Variants in MACROH2A2 observed in about 807,000 individuals in gnomAD.
MACROH2A2 encodes core histone macro-H2A.2.
In MACROH2A2, 6 loss-of-function variants were observed where a neutral mutation model predicts 37.6. The observed-to-expected ratio is 0.16, with a 90% confidence interval of 0.09 to 0.32. The LOEUF is 0.32. Ranked by LOEUF, MACROH2A2 falls within the 10% of genes least tolerant of loss-of-function variation. The probability of loss-of-function intolerance (pLI) is 1.00; values close to 1 mark genes in which losing one functional copy is unlikely to be tolerated. For missense variants in MACROH2A2, 290 were observed against 485.9 expected (o/e 0.60, Z 3.79); for synonymous variants, 192 against 202.7 (o/e 0.95, Z 0.45).
intron 2 of MACROH2A2, among the ~76,000 whole-genome samples, chr10:70,079,087 A>G (rs2072157534): frequency 6.6e-6 from 1 of 152,196 alleles, no homozygotes; most frequent in Non-Finnish European, 1.5e-5. Context: ...AACGCCTCAC[A>G]ATAAGATCAG....
chr10:70,055,491 A>G (rs1477098508), intron 1 of MACROH2A2, among the ~76,000 whole-genome samples: 1 of 152,182 alleles, frequency 6.6e-6, no homozygotes, highest in East Asian at 1.9e-4. Flanking sequence ...GGGTCCTCCC[A>G]TCTCAGCCTC....
chr10:70,078,023 CA>C (rs1457693258), intron 2 of MACROH2A2, among the ~76,000 whole-genome samples: 1 of 152,208 alleles, frequency 6.6e-6, no homozygotes, highest in African/African-American at 2.4e-5. Context: ...TACACTACCC[CA>C]ATATTTGTGT....
chr10:70,054,462 A>G lies in MACROH2A2; in HGVS notation c.-60+1462A>G, dbSNP rs908189760. On this transcript the variant is annotated intron_variant, in intron 1 of 8. Coordinates refer to ENST00000373255, the MANE Select transcript of MACROH2A2 (RefSeq NM_018649.3). ...CAGACCCCAGGATCCCCTAGGGGCC[A>G]TTAGTCCACCGCGGCAAATGGTTTC... 9.9e-5 allele frequency among the ~76,000 whole-genome samples: 15 copies of G among 152,204 alleles called. 1 individual carries two copies. Among genetic ancestry groups the G allele is most frequent in the Admixed American group, 2.0e-4 (3 of 15,284 alleles).
At chr10:70,103,928 A>G (rs1208403217) in intron 7 of MACROH2A2, among the ~76,000 whole-genome samples, 2 of 152,254 alleles carry the variant, frequency 1.3e-5, no homozygotes, top group Non-Finnish European at 2.9e-5. Context: ...GACGTGCAGA[A>G]GTTGAGAGGC....
chr10:70,073,217 G>A (rs1047839568), intron 1 of MACROH2A2, among the ~76,000 whole-genome samples: 1 of 152,198 alleles, frequency 6.6e-6, no homozygotes, highest in Admixed American at 6.5e-5. Flanking sequence ...TAGCAATGCT[G>A]TCTGTTTCCC....
At position 70,053,121 on chromosome 10, in the gene MACROH2A2, G is replaced by A. The variant is rs2071985686; in HGVS notation, c.-60+121G>A. 1 of 152,268 alleles carries A rather than the reference G, an allele frequency of 6.6e-6. No individual in the cohort carries two copies. The highest frequency in any genetic ancestry group is 6.5e-5 in the Admixed American group (1 of 15,282). The allele number at this position is 152,268 out of a possible 1,614,324, so 9.4% of individuals were successfully genotyped here. A position where few individuals can be genotyped will look rare whatever the true frequency, so the allele number is the denominator to read the frequency against. ...ACCTCTGCCTCTCCCCCGAGCCCCTGCGGGCGCACCCTCGATAGCCGACCC... is the reference window on the plus strand; with the variant it reads ...ACCTCTGCCTCTCCCCCGAGCCCCTACGGGCGCACCCTCGATAGCCGACCC... On this transcript the variant is annotated intron_variant, in intron 1 of 8. Transcript: ENST00000373255. The surrounding 1 kb of genome is among the most constrained non-coding windows in gnomAD (Gnocchi z 4.8).
chr10:70,106,007 G>A (rs2072335547), intron 7 of MACROH2A2, among the ~76,000 whole-genome samples: 1 of 152,134 alleles, frequency 6.6e-6, no homozygotes, highest in South Asian at 2.1e-4. Flanking sequence ...GCCCAGACAC[G>A]CAGGAAGAAG....
Position 70,091,942 on chromosome 10 carries a change from G to T in MACROH2A2, c.465G>T (p.Arg155=), listed in dbSNP as rs1392334973. The change falls in exon 4 of 9, where the codon CGG becomes CGT. Residue 155 remains arginine, a synonymous_variant. Coordinates refer to ENST00000373255, the MANE Select transcript of MACROH2A2 (RefSeq NM_018649.3). ...GGKKSKAAKP[R]TSKKSKPKDS... Reference sequence around the variant, plus strand: ...AGAAATCCAAGGCTGCCAAACCACGGACGTCCAAAAAGGTAGGCCGAGGCT... The same window carrying T: ...AGAAATCCAAGGCTGCCAAACCACGTACGTCCAAAAAGGTAGGCCGAGGCT... 4 of 1,613,330 alleles carry T rather than the reference G, an allele frequency of 2.5e-6. No individual in the cohort carries two copies. In the African/African-American group the frequency reaches 5.3e-5, roughly 22 times the overall value.
At position 70,070,640 on chromosome 10, in the gene MACROH2A2, C is replaced by G. The variant is rs912206520; in HGVS notation, c.-59-4960C>G. Among the ~76,000 whole-genome samples the G allele has an allele frequency of 4.6e-5, 7 of 152,048 alleles. 1 individual carries two copies. The highest frequency in any genetic ancestry group is 1.7e-4 in the African/African-American group (7 of 41,366). ...CAGAGTAGCTGGAATTACAGGCACC[C>G]GCCACCACGCCCGGCTAATATTCTG... On this transcript the variant is annotated intron_variant, in intron 1 of 8. Coordinates refer to ENST00000373255, the MANE Select transcript of MACROH2A2 (RefSeq NM_018649.3).
intron 1 of MACROH2A2, among the ~76,000 whole-genome samples, chr10:70,065,762 G>T (rs868452779): frequency 1.3e-5 from 2 of 152,026 alleles, no homozygotes; most frequent in Non-Finnish European, 2.9e-5. Context: ...ACAAAGAAAG[G>T]GGGTATTGGG....
At chr10:70,101,057 T>G (rs1284710265) in intron 7 of MACROH2A2, among the ~76,000 whole-genome samples, 1 of 152,024 alleles carries the variant, frequency 6.6e-6, no homozygotes, top group Non-Finnish European at 1.5e-5. Context: ...CAACACCAGG[T>G]CATGGGGGTG....
chr10:70,102,743 A>G (rs2072313998), intron 7 of MACROH2A2, among the ~76,000 whole-genome samples: 1 of 152,092 alleles, frequency 6.6e-6, no homozygotes, highest in Non-Finnish European at 1.5e-5. Flanking sequence ...AGAAGAAAAG[A>G]AAAAAGTAAT....
intron 2 of MACROH2A2, among the ~76,000 whole-genome samples, chr10:70,087,169 G>T (rs2136632668): frequency 6.6e-6 from 1 of 152,036 alleles, no homozygotes; most frequent in Admixed American, 6.5e-5. Flanking sequence ...GGTGACAGAG[G>T]TGAGATCCTG....
intron 6 of MACROH2A2, among the ~76,000 whole-genome samples, chr10:70,097,331 C>T (rs1049712863): frequency 6.6e-5 from 10 of 152,182 alleles, no homozygotes; most frequent in Admixed American, 3.3e-4. Flanking sequence ...GCAATAGTAC[C>T]TGTCCCATAG....
At chr10:70,072,483 A>T (rs949136117) in intron 1 of MACROH2A2, among the ~76,000 whole-genome samples, 1 of 152,140 alleles carries the variant, frequency 6.6e-6, no homozygotes, top group Non-Finnish European at 1.5e-5. Flanking sequence ...GCTGGTTTAC[A>T]GTTTACTTTG....
At chr10:70,105,639 G>A (rs1307199312) in intron 7 of MACROH2A2, among the ~76,000 whole-genome samples, 1 of 152,006 alleles carries the variant, frequency 6.6e-6, no homozygotes. Flanking sequence ...TTTAAATGTG[G>A]AGTTTAAGGA....
At chr10:70,066,318 A>G (rs917722099) in intron 1 of MACROH2A2, among the ~76,000 whole-genome samples, 13 of 152,110 alleles carry the variant, frequency 8.5e-5, no homozygotes, top group Non-Finnish European at 1.8e-4. Context: ...ACAGAGCAAG[A>G]CTCTCAAAAA....
chr10:70,101,240 G>A (rs1396638342), intron 7 of MACROH2A2, among the ~76,000 whole-genome samples: 1 of 152,232 alleles, frequency 6.6e-6, no homozygotes, highest in African/African-American at 2.4e-5. Flanking sequence ...GGTCGAAAGG[G>A]CAAGCGCATG....
At position 70,075,805 on chromosome 10, in the gene MACROH2A2, G is replaced by A. The variant is rs1305508100; in HGVS notation, c.147G>A (p.Met49Ile). ...TCAGCGTGGGCGCCCCTGTCTACAT[G>A]GCGGCAGTCATTGAGTACCTGGCAG... ...YRISVGAPVY[M>I]AAVIEYLAAE... is the part of the protein sequence containing the mutation. Residue 49 changes from methionine to isoleucine, a missense_variant, in exon 2 of 9, where the codon ATG becomes ATA. Around this residue, in one of 3 missense-constraint regions of MACROH2A2, gnomAD observed 83 missense variants for 159.9 expected, o/e 0.52. Transcript: ENST00000373255. This position sits in a 1 kb window ranked among gnomAD's most constrained non-coding sequence, Gnocchi z 5.0. The A allele has an allele frequency of 6.2e-7, 1 of 1,613,656 alleles. No individual in the cohort carries two copies.
Sources: gnomAD v4.1 joint callset for allele counts (sites outside exome capture counted in the v4.1 genomes callset) on GRCh38, gnomAD v4.1.1 for gene constraint, gnomAD v4.1.1 regional missense constraint, Gnocchi (gnomAD v3.1) non-coding constraint, MANE v1.5 for transcripts, NCBI Gene and HGNC (gene_info 2026-07-23, HGNC 2026-07-21) for gene names.